The following CCDC85A variants were observed in gnomAD, a reference collection of about 807,000 sequenced individuals.
CCDC85A encodes the protein coiled-coil domain-containing protein 85A.
CCDC85A carries 38 observed loss-of-function variants against 50.2 expected under a neutral mutation model. The ratio of observed to expected loss-of-function variants is 0.76; its 90% confidence interval spans 0.58 to 0.99. The LOEUF is 0.99. Ranked by LOEUF, CCDC85A falls within the 50% of genes least tolerant of loss-of-function variation. The probability of loss-of-function intolerance (pLI) is 0.00; values close to 1 mark genes in which losing one functional copy is unlikely to be tolerated. For missense variants in CCDC85A, 820 were observed against 742.0 expected (o/e 1.11, Z -1.22); for synonymous variants, 366 against 301.4 (o/e 1.21, Z -2.22).
intron 2 of CCDC85A, among the ~76,000 whole-genome samples, chr2:56,341,901 A>G (rs1399053812): frequency 6.6e-6 from 1 of 152,210 alleles, no homozygotes; most frequent in Admixed American, 6.5e-5. Context: ...AAGTTTGTGA[A>G]AAGAACAAAT....
At chr2:56,216,822 A>G (rs1385466684) in intron 2 of CCDC85A, among the ~76,000 whole-genome samples, 1 of 150,854 alleles carries the variant, frequency 6.6e-6, no homozygotes, top group African/African-American at 2.4e-5. Context: ...TATTTGCCTG[A>G]AATTTTTTCC....
intron 3 of CCDC85A, among the ~76,000 whole-genome samples, chr2:56,348,019 T>G (rs1245250783): frequency 6.6e-6 from 1 of 152,204 alleles, no homozygotes; most frequent in Admixed American, 6.5e-5. Flanking sequence ...CAGTTACTAT[T>G]CACATGTAAT....
chr2:56,379,789 A>T, intron 5 of CCDC85A: 1 of 985,012 alleles, frequency 1.0e-6, no homozygotes, highest in Non-Finnish European at 1.2e-6. Context: ...TCAACAGGGT[A>T]AAGAGTATGA....
intron 2 of CCDC85A, among the ~76,000 whole-genome samples, chr2:56,223,932 C>T (rs537365610): frequency 1.2e-4 from 18 of 152,288 alleles, no homozygotes; most frequent in Admixed American, 9.2e-4. Flanking sequence ...CTTTCCTTCT[C>T]CTCTTCCTTC....
intron 2 of CCDC85A, among the ~76,000 whole-genome samples, chr2:56,294,872 C>T (rs942567667): frequency 7.2e-5 from 11 of 152,142 alleles, no homozygotes; most frequent in Non-Finnish European, 1.5e-4. Context: ...AAGGCCGGTA[C>T]CTCTAATAGC....
intron 2 of CCDC85A, among the ~76,000 whole-genome samples, chr2:56,195,963 T>G (rs922644295): frequency 6.6e-6 from 1 of 152,184 alleles, no homozygotes; most frequent in Admixed American, 6.5e-5. Flanking sequence ...CACACACATA[T>G]GCACACTGAG....
At chr2:56,314,749 G>A (rs1411060821) in intron 2 of CCDC85A, among the ~76,000 whole-genome samples, 1 of 152,096 alleles carries the variant, frequency 6.6e-6, no homozygotes, top group East Asian at 1.9e-4. Flanking sequence ...CATTTATGAG[G>A]CTGTCCAGTT....
At chr2:56,317,105 A>G (rs1429759805) in intron 2 of CCDC85A, among the ~76,000 whole-genome samples, 1 of 152,084 alleles carries the variant, frequency 6.6e-6, no homozygotes, top group East Asian at 1.9e-4. Flanking sequence ...AAGATGGCAA[A>G]GTGGAAGATT....
At chr2:56,378,932 TAG>T (rs1259413438) in intron 5 of CCDC85A, among the ~76,000 whole-genome samples, 2 of 152,182 alleles carry the variant, frequency 1.3e-5, no homozygotes, top group Non-Finnish European at 2.9e-5. Context: ...TAAACTGATA[TAG>T]ATAAAAACAA....
chr2:56,185,737 G>C (rs567399462), intron 1 of CCDC85A: 2 of 152,266 alleles, frequency 1.3e-5, no homozygotes, highest in Admixed American at 1.3e-4. Context: ...GGAGAGCGCC[G>C]GGTCTGCGAG....
intron 3 of CCDC85A, among the ~76,000 whole-genome samples, chr2:56,365,499 C>T (rs902080161): frequency 1.3e-5 from 2 of 152,236 alleles, no homozygotes; most frequent in East Asian, 1.9e-4. Flanking sequence ...CTGGATCTCT[C>T]TGTAACCCAG....
At chr2:56,238,306 A>G (rs951295381) in intron 2 of CCDC85A, among the ~76,000 whole-genome samples, 1 of 151,880 alleles carries the variant, frequency 6.6e-6, no homozygotes, top group African/African-American at 2.4e-5. Context: ...AATCCCAGCT[A>G]TTCAGGAGCC....
chr2:56,345,157 A>G (rs754719215), intron 3 of CCDC85A, among the ~76,000 whole-genome samples: 3 of 152,036 alleles, frequency 2.0e-5, no homozygotes, highest in African/African-American at 4.8e-5. Context: ...ATACATTACT[A>G]TTTTGCTACC....
intron 2 of CCDC85A, among the ~76,000 whole-genome samples, chr2:56,197,449 A>T (rs1676572135): frequency 6.6e-6 from 1 of 152,170 alleles, no homozygotes; most frequent in South Asian, 2.1e-4. Context: ...CTAGCTGCAG[A>T]TTAAAATCAC....
intron 2 of CCDC85A, among the ~76,000 whole-genome samples, chr2:56,202,404 C>G (rs1383874325): frequency 1.3e-5 from 2 of 152,188 alleles, no homozygotes; most frequent in Non-Finnish European, 2.9e-5. Context: ...TCTCCTTACC[C>G]CAAGGCCATA....
chr2:56,188,393 G>C (rs1364609577), intron 1 of CCDC85A, among the ~76,000 whole-genome samples: 2 of 152,204 alleles, frequency 1.3e-5, no homozygotes, highest in Admixed American at 6.5e-5. Context: ...CTGGAGTGCT[G>C]AGAAGTGTAT....
At chr2:56,248,854 T>C (rs1194541944) in intron 2 of CCDC85A, among the ~76,000 whole-genome samples, 1 of 152,088 alleles carries the variant, frequency 6.6e-6, no homozygotes, top group Non-Finnish European at 1.5e-5. Context: ...GTCATATGGA[T>C]ATTGATTAGA....
intron 2 of CCDC85A, among the ~76,000 whole-genome samples, chr2:56,202,662 T>A (rs1305460375): frequency 6.6e-6 from 1 of 152,244 alleles, no homozygotes; most frequent in Middle Eastern, 3.2e-3. Flanking sequence ...TTATTCTGAT[T>A]TATGCTACTA....
At chr2:56,201,078 A>C (rs201650278) in intron 2 of CCDC85A, among the ~76,000 whole-genome samples, 13 of 139,492 alleles carry the variant, frequency 9.3e-5, no homozygotes, top group African/African-American at 3.3e-4. Context: ...ATCTCTCTCC[A>C]CACACACACA....
Sources: gnomAD v4.1 joint callset for allele counts (sites outside exome capture counted in the v4.1 genomes callset) on GRCh38, gnomAD v4.1.1 for gene constraint, MANE v1.5 for transcripts, NCBI Gene and HGNC (gene_info 2026-07-23, HGNC 2026-07-21) for gene names.